ROBO2: variants seen among roughly 807,000 people sequenced by gnomAD.
The protein encoded by ROBO2 is roundabout homolog 2.
In ROBO2, 53 loss-of-function variants were observed where a neutral mutation model predicts 160.8. The ratio of observed to expected loss-of-function variants is 0.33; its 90% confidence interval spans 0.26 to 0.41. The LOEUF is 0.41. ROBO2 is among the 10% of genes least tolerant of loss of function. The pLI is 1.00. For synonymous variants in ROBO2, 664 were observed against 611.7 expected (o/e 1.09, Z -1.26); for missense variants, 1,577 against 1,722.4 (o/e 0.92, Z 1.49).
rs373782514 is a variant in ROBO2, at chr3:77,020,914, C to T, written c.110-77100C>T. 5.3e-5 allele frequency among the ~76,000 whole-genome samples: 8 copies of T among 152,134 alleles called. No individual in the cohort carries two copies. In the East Asian group the frequency reaches 1.4e-3, roughly 26 times the overall value. On this transcript the variant is annotated intron_variant, in intron 2 of 26. Transcript: ENST00000487694. ...AAGATAATTTGAGAGCTCAGAAAAC[C>T]ACACTCTTTGCCAGGTGTGGTGGCT... is the stretch of plus-strand genomic sequence containing the variant.
intron 2 of ROBO2, among the ~76,000 whole-genome samples, chr3:76,102,977 C>T (rs529961578): frequency 6.6e-6 from 1 of 152,164 alleles, no homozygotes; most frequent in Admixed American, 6.5e-5. Context: ...GGCGCCGCCA[C>T]CACGCCTGGA....
At chr3:76,305,075 C>A (rs947998294) in intron 2 of ROBO2, among the ~76,000 whole-genome samples, 1 of 151,866 alleles carries the variant, frequency 6.6e-6, no homozygotes, top group Admixed American at 6.6e-5. Flanking sequence ...TTGGTAATAA[C>A]TGTTCTGTGG....
intron 2 of ROBO2, among the ~76,000 whole-genome samples, chr3:76,244,161 G>C (rs936072199): frequency 4.6e-5 from 7 of 152,300 alleles, no homozygotes; most frequent in African/African-American, 1.4e-4. Context: ...GAAGTTTAGA[G>C]AGATTCAATG....
Position 77,596,766 on chromosome 3 carries a change from T to A in ROBO2, c.2854+16T>A, listed in dbSNP as rs979328686. On this transcript the variant is annotated intron_variant, in intron 19 of 25. Coordinates refer to ENST00000461745, the Ensembl canonical transcript of ROBO2. The stretch of plus-strand genomic sequence containing the variant: ...GGCCGTGGAGGTAAGTTGTGTTTTT[T>A]AAAATAGTGTTATTTGAGTTCTCTC... 6.2e-7 allele frequency: 1 copy of A among 1,611,512 alleles called. No individual in the cohort carries two copies. The highest frequency in any genetic ancestry group is 8.5e-7 in the Non-Finnish European group (1 of 1,179,466).
intron 2 of ROBO2, among the ~76,000 whole-genome samples, chr3:77,115,091 A>T (rs1002331663): frequency 1.3e-5 from 2 of 152,112 alleles, no homozygotes; most frequent in Non-Finnish European, 2.9e-5. Context: ...ACTCCAGAAA[A>T]GTTTTAAAAA....
intron 2 of ROBO2, among the ~76,000 whole-genome samples, chr3:77,322,436 A>C (rs995686517): frequency 6.6e-6 from 1 of 152,064 alleles, no homozygotes; most frequent in African/African-American, 2.4e-5. Flanking sequence ...GTCAATTTCA[A>C]GTTGTCAGTC....
chr3:77,396,093 C>T (rs1349428713), intron 2 of ROBO2, among the ~76,000 whole-genome samples: 2 of 151,594 alleles, frequency 1.3e-5, no homozygotes, highest in Non-Finnish European at 2.9e-5. Context: ...AAGCACTAGC[C>T]ATTCTCACTT....
intron 2 of ROBO2, among the ~76,000 whole-genome samples, chr3:76,677,314 AAAC>A (rs2092435949): frequency 6.6e-6 from 1 of 152,158 alleles, no homozygotes; most frequent in Non-Finnish European, 1.5e-5. Context: ...AAGCCGCAGA[AAAC>A]AACTCCATCA....
intron 2 of ROBO2, among the ~76,000 whole-genome samples, chr3:76,790,227 A>T (rs1367018475): frequency 2.0e-5 from 3 of 151,620 alleles, no homozygotes; most frequent in Non-Finnish European, 3.0e-5. Flanking sequence ...TCTCCTCAGT[A>T]ACCTGGCGAT....
At chr3:76,253,827 T>C (rs1706190981) in intron 2 of ROBO2, among the ~76,000 whole-genome samples, 1 of 151,822 alleles carries the variant, frequency 6.6e-6, no homozygotes, top group South Asian at 2.1e-4. Context: ...TACAAATTCA[T>C]GTTGAGTAGG....
intron 2 of ROBO2, among the ~76,000 whole-genome samples, chr3:76,813,128 G>C (rs548440468): frequency 2.0e-4 from 30 of 152,068 alleles, no homozygotes; most frequent in African/African-American, 7.0e-4. Flanking sequence ...TTTAAGTACA[G>C]TCATAGCTCA....
At chr3:76,771,422 G>GGGTTT (rs1256630307) in intron 2 of ROBO2, among the ~76,000 whole-genome samples, 1 of 151,062 alleles carries the variant, frequency 6.6e-6, no homozygotes, top group African/African-American at 2.4e-5. Context: ...ACCACTATAA[G>GGGTTT]GGTTTGGTTT....
At chr3:76,066,385 G>A (rs2107925936) in intron 2 of ROBO2, among the ~76,000 whole-genome samples, 1 of 152,054 alleles carries the variant, frequency 6.6e-6, no homozygotes, top group South Asian at 2.1e-4. Flanking sequence ...TTAATTATTT[G>A]CTAATTAATA....
At chr3:76,462,055 A>G (rs2078115523) in intron 2 of ROBO2, among the ~76,000 whole-genome samples, 1 of 152,128 alleles carries the variant, frequency 6.6e-6, no homozygotes, top group African/African-American at 2.4e-5. Flanking sequence ...GAGTACACAC[A>G]TCATCTCTGC....
intron 2 of ROBO2, among the ~76,000 whole-genome samples, chr3:76,600,632 G>C (rs931323769): frequency 6.6e-6 from 1 of 152,104 alleles, no homozygotes; most frequent in Non-Finnish European, 1.5e-5. Flanking sequence ...GAACAGTGCA[G>C]GAAAGGCCCA....
At chr3:76,273,298 C>T (rs1345748477) in intron 2 of ROBO2, among the ~76,000 whole-genome samples, 1 of 150,398 alleles carries the variant, frequency 6.6e-6, no homozygotes, top group Non-Finnish European at 1.5e-5. Context: ...TTTTTCGAGG[C>T]AATTATGCTT....
chr3:77,030,046 G>A (rs1278213979), intron 2 of ROBO2, among the ~76,000 whole-genome samples: 2 of 151,532 alleles, frequency 1.3e-5, no homozygotes, highest in African/African-American at 2.4e-5. Context: ...CCCAGTTCAC[G>A]CCTTTCTCCT....
At chr3:76,897,477 T>C (rs921921997) in intron 2 of ROBO2, among the ~76,000 whole-genome samples, 1 of 152,062 alleles carries the variant, frequency 6.6e-6, no homozygotes, top group Non-Finnish European at 1.5e-5. Flanking sequence ...ACCAAACACA[T>C]TGAAAAATCA....
chr3:76,129,329 G>A (rs1559575468), intron 2 of ROBO2, among the ~76,000 whole-genome samples: 1 of 152,116 alleles, frequency 6.6e-6, no homozygotes, highest in African/African-American at 2.4e-5. Flanking sequence ...TTATAGAGAA[G>A]AATTGCAAGA....
Sources: allele counts gnomAD v4.1 joint callset (sites outside exome capture counted in the v4.1 genomes callset), GRCh38; gene constraint gnomAD v4.1.1; transcripts MANE v1.5; gene names NCBI Gene and HGNC (gene_info 2026-07-23, HGNC 2026-07-21).